NAALADL2: variants seen among roughly 807,000 people sequenced by gnomAD.
NAALADL2 encodes inactive N-acetylated-alpha-linked acidic dipeptidase-like protein 2.
NAALADL2 carries 76 observed loss-of-function variants against 87.2 expected under a neutral mutation model. The ratio of observed to expected loss-of-function variants is 0.87; its 90% CI spans 0.72 to 1.05. The LOEUF is 1.05. Among genes scored for constraint, NAALADL2 ranks in the 50% least tolerant of loss-of-function variants. The pLI is 0.00. For missense variants in NAALADL2, 1,089 were observed against 945.8 expected (o/e 1.15, Z -1.99); for synonymous variants, 354 against 331.0 (o/e 1.07, Z -0.75).
rs573797808 is a variant in NAALADL2 at position 175,733,194 on chromosome 3, A to G, written c.1897-4112A>G. On this transcript the variant is annotated intron_variant, in intron 11 of 13. Transcript: ENST00000454872. The stretch of plus-strand genomic sequence containing the variant: ...AAACAATTGGGAAATATAACTTTTA[A>G]TGTTGTATTAGTTCGTTTTCACACT... Among the ~76,000 whole-genome samples the G allele has an allele frequency of 2.0e-5, 3 of 152,298 alleles. No homozygotes were observed. The South Asian group carries it at 6.2e-4, about 32-fold the overall frequency.
chr3:175,129,937 A>G (rs1727550689), intron 2 of NAALADL2, among the ~76,000 whole-genome samples: 1 of 152,124 alleles, frequency 6.6e-6, no homozygotes, highest in African/African-American at 2.4e-5. Flanking sequence ...ATTCCCAACA[A>G]TAGTGTACTT....
intron 10 of NAALADL2, among the ~76,000 whole-genome samples, chr3:175,604,374 G>A (rs1047540894): frequency 1.3e-4 from 18 of 137,810 alleles, no homozygotes; most frequent in African/African-American, 4.2e-4. Flanking sequence ...TGCCATCTCC[G>A]CTCACTGCAA....
At chr3:174,752,086 T>G (rs1734889424) in intron 3 of NAALADL2, among the ~76,000 whole-genome samples, 1 of 152,214 alleles carries the variant, frequency 6.6e-6, no homozygotes, top group East Asian at 1.9e-4. Context: ...CACGCCATTC[T>G]CCTGCCTCAG....
chr3:175,710,720 A>G (rs1388799459), intron 11 of NAALADL2, among the ~76,000 whole-genome samples: 1 of 151,584 alleles, frequency 6.6e-6, no homozygotes, highest in South Asian at 2.1e-4. Context: ...ATAGAAAGAC[A>G]TATGTACATA....
intron 4 of NAALADL2, among the ~76,000 whole-genome samples, chr3:175,296,100 C>G (rs1219754531): frequency 2.9e-5 from 1 of 34,154 alleles, no homozygotes; most frequent in African/African-American, 5.7e-5. Context: ...GTCTCTGCTA[C>G]AAGCTCTCTG....
intron 2 of NAALADL2, among the ~76,000 whole-genome samples, chr3:174,608,523 T>C: frequency 1.3e-5 from 2 of 151,218 alleles, no homozygotes; most frequent in African/African-American, 2.4e-5. Context: ...CATCAGAGAA[T>C]ACTACAAACA....
At position 175,440,789 on chromosome 3, in the gene NAALADL2, A is replaced by C. The variant is rs12496375; in HGVS notation, c.1091-6440A>C. ...ACCCATTCTATGAGATTTTTGGATG[A>C]GTCTTTAGGGTCTCCTACTTATATG... On this transcript the variant is annotated intron_variant, in intron 5 of 13. Coordinates refer to ENST00000454872, the MANE Select transcript of NAALADL2 (RefSeq NM_207015.3). Among the ~76,000 whole-genome samples the C allele has an allele frequency of 5.7e-3, 867 of 152,226 alleles. 3 individuals carry two copies. Among genetic ancestry groups the C allele is most frequent in the Middle Eastern group, 0.024 (7 of 294 alleles).
rs188925619 is a variant in NAALADL2 at position 175,698,435 on chromosome 3, A to G, written c.1897-38871A>G. Among the ~76,000 whole-genome samples, 18 of 130,008 alleles carry G rather than the reference A, an allele frequency of 1.4e-4. 3 individuals carry two copies. Among genetic ancestry groups the G allele is most frequent in the East Asian group, 1.0e-3 (5 of 4,764 alleles). The allele number at this position is 130,008 out of a possible 152,430, so 85.3% of individuals were successfully genotyped here. On this transcript the variant is annotated intron_variant, in intron 11 of 13. Coordinates refer to ENST00000454872, the MANE Select transcript of NAALADL2 (RefSeq NM_207015.3). ...TGTATGTATACATATGTATGTGTAT[A>G]TATTTATGTATGTATACATATATGT...
At chr3:175,125,311 G>A (rs567625733) in intron 2 of NAALADL2, among the ~76,000 whole-genome samples, 1 of 152,028 alleles carries the variant, frequency 6.6e-6, no homozygotes, top group Admixed American at 6.6e-5. Flanking sequence ...TCTCTGAAAA[G>A]GTTCCAGAAG....
chr3:175,576,162 C>G lies in NAALADL2; in HGVS notation c.1775C>G (p.Ala592Gly). The G allele has an allele frequency of 1.2e-6, 2 of 1,613,544 alleles. No individual in the cohort carries two copies. Residue 592 changes from alanine (A) to glycine (G), a missense_variant, in exon 10 of 14, where the codon GCT (alanine) becomes GGT (glycine). Coordinates refer to ENST00000454872, the MANE Select transcript of NAALADL2 (RefSeq NM_207015.3). ...NHLGVPIVQF[A>G]YEDIKTLEGP... ...CTTGGAGTTCCCATCGTGCAGTTTGCTTACGAGGACATCAAAACATTAGAG... is the reference window on the plus strand; with the variant it reads ...CTTGGAGTTCCCATCGTGCAGTTTGGTTACGAGGACATCAAAACATTAGAG...
At chr3:174,484,038 T>G (rs1334496380) in intron 1 of NAALADL2, among the ~76,000 whole-genome samples, 1 of 152,088 alleles carries the variant, frequency 6.6e-6, no homozygotes, top group Non-Finnish European at 1.5e-5. Context: ...GCCTCAGTTT[T>G]CTATTCTTAC....
intron 4 of NAALADL2, among the ~76,000 whole-genome samples, chr3:175,293,262 T>A (rs1316882060): frequency 2.0e-5 from 3 of 152,130 alleles, no homozygotes; most frequent in Non-Finnish European, 4.4e-5. Flanking sequence ...AAACTCTGAC[T>A]TTGACACTGA....
intron 2 of NAALADL2, among the ~76,000 whole-genome samples, chr3:175,109,419 A>T (rs1232517834): frequency 1.3e-5 from 2 of 151,868 alleles, no homozygotes; most frequent in African/African-American, 4.8e-5. Flanking sequence ...TGAATAAAAT[A>T]TGCAAGATAC....
chr3:174,727,166 G>A (rs1270881561), intron 2 of NAALADL2, among the ~76,000 whole-genome samples: 1 of 149,418 alleles, frequency 6.7e-6, no homozygotes, highest in Admixed American at 6.7e-5. Context: ...TTTGTGTGAT[G>A]TATTTCTGTG....
At chr3:175,615,883 A>G (rs1560854652) in intron 10 of NAALADL2, among the ~76,000 whole-genome samples, 1 of 147,814 alleles carries the variant, frequency 6.8e-6, no homozygotes. Context: ...TATGTATAAT[A>G]TATATGTATA....
intron 5 of NAALADL2, among the ~76,000 whole-genome samples, chr3:175,354,881 T>TATATACAC (rs1553872126): frequency 1.4e-5 from 2 of 146,882 alleles, no homozygotes; most frequent in African/African-American, 5.0e-5. Flanking sequence ...TACATATATA[T>TATATACAC]ACACACACAC....
chr3:175,292,978 A>C (rs992768955), intron 4 of NAALADL2, among the ~76,000 whole-genome samples: 1 of 145,660 alleles, frequency 6.9e-6, no homozygotes, highest in Non-Finnish European at 1.5e-5. Flanking sequence ...CGGAGCTTGC[A>C]ATGAGCCGAG....
intron 2 of NAALADL2, among the ~76,000 whole-genome samples, chr3:174,646,973 C>T (rs1047504304): frequency 6.6e-6 from 1 of 152,116 alleles, no homozygotes; most frequent in African/African-American, 2.4e-5. Flanking sequence ...GTACATCTAA[C>T]TCACTGTTAA....
At position 175,097,052 on chromosome 3, in the gene NAALADL2, AG is replaced by A. The variant is rs773753404; in HGVS notation, c.307del (p.Glu103AsnfsTer24). On this transcript the variant is annotated frameshift_variant, in exon 2 of 14. Transcript: ENST00000454872. LOFTEE classifies it high-confidence loss of function. Reference sequence around the variant, plus strand: ...AAGGAAGGTTCCAGAGACTTCAAGAAGAATCTGACTACATTACCCATTATAC... The same window carrying A: ...AAGGAAGGTTCCAGAGACTTCAAGAAAATCTGACTACATTACCCATTATAC... ...PKGRFQRLQEESDYITHYTRS... is the reference protein window; with the variant it reads ...PKGRFQRLQEXSDYITHYTRS... 4 of 1,613,692 alleles carry A rather than the reference AG, an allele frequency of 2.5e-6. No homozygotes were observed. The highest frequency in any genetic ancestry group is 2.5e-6 in the Non-Finnish European group (3 of 1,179,772).
Sources: gnomAD v4.1 joint callset for allele counts (sites outside exome capture counted in the v4.1 genomes callset) on GRCh38, gnomAD v4.1.1 for gene constraint, MANE v1.5 for transcripts, NCBI Gene and HGNC (gene_info 2026-07-23, HGNC 2026-07-21) for gene names.